The following DLG2 variants were observed in gnomAD, a reference collection of about 807,000 sequenced individuals.
DLG2 encodes discs large MAGUK scaffold protein 2, also known as disks large homolog 2.
In DLG2, 45 loss-of-function variants were observed where a neutral mutation model predicts 132.5. That is an observed-to-expected ratio of 0.34 (90% CI 0.27 to 0.44). The LOEUF (loss-of-function observed/expected upper bound fraction) is 0.44. Among genes scored for constraint, DLG2 ranks in the 20% least tolerant of loss-of-function variants. The probability of loss-of-function intolerance (pLI) is 1.00; values close to 1 mark genes in which losing one functional copy is unlikely to be tolerated. For synonymous variants in DLG2, 424 were observed against 419.6 expected (o/e 1.01, Z -0.13); for missense variants, 1,045 against 1,196.9 (o/e 0.87, Z 1.87).
chr11:83,682,673 A>G (rs898887569), intron 18 of DLG2, among the ~76,000 whole-genome samples: 4 of 151,842 alleles, frequency 2.6e-5, no homozygotes, highest in South Asian at 4.1e-4. Context: ...GTAAGGATCA[A>G]CTCCTATATT....
At chr11:84,967,560 A>G (rs1333668786) in intron 6 of DLG2, among the ~76,000 whole-genome samples, 1 of 152,190 alleles carries the variant, frequency 6.6e-6, no homozygotes, top group Non-Finnish European at 1.5e-5. Flanking sequence ...TTTGTTTCAT[A>G]GAAGAGATAG....
At chr11:84,179,594 G>T (rs2096064545) in intron 8 of DLG2, among the ~76,000 whole-genome samples, 1 of 152,156 alleles carries the variant, frequency 6.6e-6, no homozygotes, top group African/African-American at 2.4e-5. Flanking sequence ...GCTCTACGAG[G>T]CCTTCGTATT....
intron 3 of DLG2, among the ~76,000 whole-genome samples, chr11:85,484,999 A>C (rs1199087462): frequency 3.3e-5 from 5 of 152,262 alleles, no homozygotes; most frequent in Admixed American, 3.3e-4. Flanking sequence ...TGGCACACAT[A>C]CACCATGGAA....
rs531319092 is a variant in DLG2 at position 85,191,158 on chromosome 11, G to GCACA, written c.187-36508_187-36507insTGTG. Among the ~76,000 whole-genome samples, 149 of 113,412 alleles carry GCACA rather than the reference G, an allele frequency of 1.3e-3. 1 individual carries two copies. Among genetic ancestry groups the GCACA allele is most frequent in the East Asian group, 0.012 (47 of 3,844 alleles). 74.4% of individuals were successfully genotyped at this position (113,412 alleles called of 152,430 possible). A position where few individuals can be genotyped will look rare whatever the true frequency, so the allele number is the denominator to read the frequency against. ...TCTATATGCATGCGCGCGCGCGCAC[G>GCACA]CGCGCACACACACACACACACACAC... On this transcript the variant is annotated intron_variant, in intron 4 of 27. Transcript: ENST00000376104.
At chr11:85,136,181 A>G (rs545891057) in intron 5 of DLG2, among the ~76,000 whole-genome samples, 1 of 152,258 alleles carries the variant, frequency 6.6e-6, no homozygotes, top group East Asian at 1.9e-4. Flanking sequence ...TATTTGAGAA[A>G]GAAGAGCATT....
chr11:84,713,318 A>G (rs991083392), intron 6 of DLG2, among the ~76,000 whole-genome samples: 5 of 152,088 alleles, frequency 3.3e-5, no homozygotes, highest in Non-Finnish European at 7.4e-5. Context: ...TACCTGTAAC[A>G]CTGGGGTAAC....
intron 3 of DLG2, among the ~76,000 whole-genome samples, chr11:85,465,551 T>C (rs1371046256): frequency 4.6e-4 from 70 of 151,578 alleles, no homozygotes; most frequent in African/African-American, 1.6e-3. Context: ...TGAGAACATG[T>C]GGTATTTGGT....
chr11:84,042,809 A>G (rs1378212327), intron 11 of DLG2, among the ~76,000 whole-genome samples: 1 of 151,868 alleles, frequency 6.6e-6, no homozygotes, highest in East Asian at 1.9e-4. Context: ...ACATGTTCTC[A>G]CTTATAAGTG....
chr11:84,475,274 T>C (rs1178308853), intron 7 of DLG2, among the ~76,000 whole-genome samples: 1 of 152,158 alleles, frequency 6.6e-6, no homozygotes, highest in Non-Finnish European at 1.5e-5. Context: ...TTTTCTGATA[T>C]GTGATGTTCT....
intron 6 of DLG2, among the ~76,000 whole-genome samples, chr11:84,956,148 A>T (rs1040923183): frequency 2.6e-5 from 4 of 152,176 alleles, no homozygotes; most frequent in African/African-American, 9.7e-5. Flanking sequence ...CTAACTGATA[A>T]ATAATTTTAC....
intron 6 of DLG2, among the ~76,000 whole-genome samples, chr11:84,919,144 C>A (rs957873038): frequency 1.3e-5 from 2 of 152,022 alleles, no homozygotes; most frequent in East Asian, 1.9e-4. Flanking sequence ...AACTCTGAAG[C>A]CTTACTGCTA....
intron 5 of DLG2, among the ~76,000 whole-genome samples, chr11:85,143,061 C>A (rs1195806926): frequency 6.6e-6 from 1 of 151,664 alleles, no homozygotes; most frequent in African/African-American, 2.4e-5. Context: ...GTAATACTAG[C>A]CTCATGAAAT....
intron 6 of DLG2, among the ~76,000 whole-genome samples, chr11:84,576,038 C>A (rs755933454): frequency 1.3e-5 from 2 of 152,144 alleles, no homozygotes; most frequent in Non-Finnish European, 2.9e-5. Flanking sequence ...ATGGCTCACT[C>A]GCCTTTCTTT....
chr11:83,956,320 C>T (rs940814149), intron 14 of DLG2, among the ~76,000 whole-genome samples: 2 of 152,220 alleles, frequency 1.3e-5, no homozygotes, highest in African/African-American at 4.8e-5. Context: ...GCAGCCGCCC[C>T]ACACCATGAG....
chr11:84,860,694 T>G (rs759695367), intron 6 of DLG2, among the ~76,000 whole-genome samples: 3 of 152,156 alleles, frequency 2.0e-5, no homozygotes, highest in Admixed American at 1.3e-4. Flanking sequence ...AAACTCTGCC[T>G]TCTTTTCATT....
At chr11:83,612,574 C>T (rs2060266168) in intron 19 of DLG2, among the ~76,000 whole-genome samples, 1 of 152,142 alleles carries the variant, frequency 6.6e-6, no homozygotes, top group South Asian at 2.1e-4. Flanking sequence ...TAGCATGCCT[C>T]TCCTTTAATA....
intron 4 of DLG2, among the ~76,000 whole-genome samples, chr11:85,254,770 G>A (rs1361171032): frequency 6.6e-6 from 1 of 152,128 alleles, no homozygotes; most frequent in Non-Finnish European, 1.5e-5. Flanking sequence ...GGAGGCTGAG[G>A]CAGGAGGATC....
intron 4 of DLG2, among the ~76,000 whole-genome samples, chr11:85,229,776 G>A (rs1283477037): frequency 2.0e-5 from 3 of 152,124 alleles, no homozygotes; most frequent in African/African-American, 4.8e-5. Flanking sequence ...TAAAGAATAT[G>A]TGGCACATAT....
chr11:85,117,436 T>A (rs1029400530), intron 5 of DLG2, among the ~76,000 whole-genome samples: 3 of 152,024 alleles, frequency 2.0e-5, no homozygotes, highest in African/African-American at 4.8e-5. Flanking sequence ...TAATCAGCAC[T>A]ATTTGTCAGT....
Sources: gnomAD v4.1 joint callset for allele counts (sites outside exome capture counted in the v4.1 genomes callset) on GRCh38, gnomAD v4.1.1 for gene constraint, MANE v1.5 for transcripts, NCBI Gene and HGNC (gene_info 2026-07-23, HGNC 2026-07-21) for gene names.